The following MOCOS variants were observed in gnomAD, a reference collection of about 807,000 sequenced individuals.
MOCOS encodes human molybdenum cofactor sulfurase.
A neutral mutation model predicts 83.6 loss-of-function variants in MOCOS; 86 were observed. That is an observed-to-expected ratio of 1.03 (90% CI 0.86 to 1.23). The LOEUF is 1.23. Ranked by LOEUF, MOCOS falls within the 50% of genes most tolerant of loss-of-function variation. The pLI, the probability that MOCOS is intolerant of heterozygous loss-of-function variation, is 0.00. For missense variants in MOCOS, 1,120 were observed against 1,126.9 expected, an observed-to-expected ratio of 0.99 and a Z score of 0.09; for synonymous variants, 445 against 434.7, an observed-to-expected ratio of 1.02 and a Z score of -0.29.
Position 36,204,814 on chromosome 18 carries a change from G to A in MOCOS, c.1019-263G>A, listed in dbSNP as rs148994701. 5.6e-3 allele frequency among the ~76,000 whole-genome samples: 850 copies of A among 151,788 alleles called. 7 individuals carry two copies. The highest frequency in any genetic ancestry group is 0.019 in the African/African-American group (800 of 41,374). ...TCAAGACAAGCCTGGGCAACATGGTGAAACTCCATCTCTGCAAAAAATACA... is the reference window on the plus strand; with the variant it reads ...TCAAGACAAGCCTGGGCAACATGGTAAAACTCCATCTCTGCAAAAAATACA... On this transcript the variant is annotated intron_variant, in intron 5 of 14. Coordinates refer to ENST00000261326, the MANE Select transcript of MOCOS (RefSeq NM_017947.4).
intron 8 of MOCOS, among the ~76,000 whole-genome samples, chr18:36,218,251 G>C (rs2091482288): frequency 6.6e-6 from 1 of 152,042 alleles, no homozygotes; most frequent in East Asian, 1.9e-4. Context: ...TGTGATGTCA[G>C]CTTTTGATAC....
intron 1 of MOCOS, among the ~76,000 whole-genome samples, chr18:36,190,471 T>C (rs1396299361): frequency 6.6e-6 from 1 of 152,046 alleles, no homozygotes; most frequent in African/African-American, 2.4e-5. Context: ...TAGCACAAAC[T>C]GGGTATGGTG....
At chr18:36,200,409 G>T in intron 4 of MOCOS, 85 bp downstream of exon 4, 1 of 1,544,608 alleles carries the variant, frequency 6.5e-7, no homozygotes, top group Non-Finnish European at 8.8e-7. Context: ...GCAAGAGGTG[G>T]GTCTGGCTTT....
intron 14 of MOCOS, 63 bp downstream of exon 14, chr18:36,266,916 A>T: frequency 7.7e-7 from 1 of 1,304,808 alleles, no homozygotes; most frequent in Non-Finnish European, 1.1e-6. Flanking sequence ...TACCAGAACT[A>T]TGTTCATAAT....
In MOCOS at chr18:36,218,706, G is replaced by T. The variant is rs1402678375; in HGVS notation, c.1798-1349G>T. Among the ~76,000 whole-genome samples the T allele has an allele frequency of 3.3e-5, 5 of 150,850 alleles. No individual in the cohort carries two copies. In the East Asian group the frequency reaches 1.0e-3, roughly 30 times the overall value. ...CTTTTTAATTTTCATTTTTTTTAGAGACAGGGTCTTGCTATGTTGATCAGG... is the reference window on the plus strand; with the variant it reads ...CTTTTTAATTTTCATTTTTTTTAGATACAGGGTCTTGCTATGTTGATCAGG... On this transcript the variant is annotated intron_variant, in intron 8 of 14. Transcript: ENST00000261326.
chr18:36,236,857 A>C (rs1322469345), intron 9 of MOCOS, among the ~76,000 whole-genome samples: 1 of 147,014 alleles, frequency 6.8e-6, no homozygotes, highest in Non-Finnish European at 1.5e-5. Flanking sequence ...CATCCCTTGT[A>C]AGTTGGATTC....
chr18:36,262,193 A>G (rs1035307479), intron 13 of MOCOS, among the ~76,000 whole-genome samples: 1 of 150,132 alleles, frequency 6.7e-6, no homozygotes, highest in African/African-American at 2.4e-5. Flanking sequence ...AAGTATTAAA[A>G]TAAGTATAAA....
intron 9 of MOCOS, among the ~76,000 whole-genome samples, chr18:36,248,082 G>T (rs2091608863): frequency 6.6e-6 from 1 of 152,108 alleles, no homozygotes; most frequent in African/African-American, 2.4e-5. Context: ...GTGTGTCAGA[G>T]TTCCCCTTTC....
intron 9 of MOCOS, among the ~76,000 whole-genome samples, chr18:36,240,773 A>G (rs982917851): frequency 2.4e-4 from 36 of 152,144 alleles, no homozygotes; most frequent in Non-Finnish European, 8.8e-5. Context: ...CTGCTGTGCT[A>G]GCAATCAGCG....
intron 11 of MOCOS, among the ~76,000 whole-genome samples, chr18:36,252,426 T>A (rs556021642): frequency 6.6e-6 from 1 of 152,224 alleles, no homozygotes; most frequent in South Asian, 2.1e-4. Flanking sequence ...AGTATGCTGG[T>A]GCATGCCTAT....
intron 4 of MOCOS, among the ~76,000 whole-genome samples, chr18:36,201,883 A>G (rs2091416435): frequency 6.6e-6 from 1 of 152,126 alleles, no homozygotes; most frequent in South Asian, 2.1e-4. Context: ...GAAAAGAATG[A>G]CAGGCATAAC....
In MOCOS at chr18:36,266,805, A is replaced by G; in HGVS notation, c.2466A>G (p.Gln822=). The part of the protein sequence containing the change: ...QMICIDQQTG[Q]RNQHVFQKLS... Reference sequence around the variant, plus strand: ...TTTGCATCGACCAGCAAACTGGGCAACGAAACCAGCATGTTTTCCAAAAAC... The same window carrying G: ...TTTGCATCGACCAGCAAACTGGGCAGCGAAACCAGCATGTTTTCCAAAAAC... The change falls in exon 14 of 15, where the codon CAA becomes CAG. Residue 822 remains glutamine (Q), a synonymous_variant. Transcript: ENST00000261326. 6.2e-7 allele frequency: 1 copy of G among 1,614,136 alleles called. No homozygotes were observed. The highest frequency in any genetic ancestry group is 8.5e-7 in the Non-Finnish European group (1 of 1,180,040).
At chr18:36,265,173 T>G (rs1043300583) in intron 13 of MOCOS, among the ~76,000 whole-genome samples, 3 of 152,246 alleles carry the variant, frequency 2.0e-5, no homozygotes, top group African/African-American at 7.2e-5. Flanking sequence ...TCTGAACTGC[T>G]GCAGTCCTGA....
chr18:36,200,954 T>G (rs1027828693), intron 4 of MOCOS, among the ~76,000 whole-genome samples: 3 of 152,196 alleles, frequency 2.0e-5, no homozygotes, highest in African/African-American at 7.2e-5. Flanking sequence ...CTGCCTGGGT[T>G]GTTGGCATAT....
At chr18:36,262,984 C>T (rs1356295614) in intron 13 of MOCOS, among the ~76,000 whole-genome samples, 2 of 152,120 alleles carry the variant, frequency 1.3e-5, no homozygotes, top group East Asian at 1.9e-4. Context: ...TGGTACATCC[C>T]TGTGGTCTCA....
intron 9 of MOCOS, among the ~76,000 whole-genome samples, chr18:36,240,419 TG>T (rs1285567603): frequency 2.3e-4 from 34 of 150,674 alleles, no homozygotes; most frequent in African/African-American, 4.2e-4. Context: ...GTGCCCCTGC[TG>T]GGGGGTGCCT....
chr18:36,213,347 T>C lies in MOCOS; in HGVS notation c.1219-19T>C, dbSNP rs778840783. On this transcript the variant is annotated intron_variant, in intron 6 of 14. Transcript: ENST00000261326. Reference sequence around the variant, plus strand: ...TGCACGTTGGTAATGGCTCATTCCATGTTACATTAAATCCGCAGGTGGACA... The same window carrying C: ...TGCACGTTGGTAATGGCTCATTCCACGTTACATTAAATCCGCAGGTGGACA... 3.1e-5 allele frequency: 50 copies of C among 1,600,456 alleles called. No homozygotes were observed. The highest frequency in any genetic ancestry group is 4.1e-5 in the Non-Finnish European group (48 of 1,167,836).
At position 36,263,283 on chromosome 18, in the gene MOCOS, CA is replaced by C. The variant is rs3837884; in HGVS notation, c.2409+3116del. Among the ~76,000 whole-genome samples, 9 of 151,728 alleles carry C rather than the reference CA, an allele frequency of 5.9e-5. No homozygotes were observed. In the East Asian group the frequency reaches 1.4e-3, roughly 23 times the overall value. Reference sequence around the variant, plus strand: ...ATTTCATTTTGGGAGACTGATACTACAAAAAAAATGAAAAGGAAAGACAGTT... The same window carrying C: ...ATTTCATTTTGGGAGACTGATACTACAAAAAAATGAAAAGGAAAGACAGTT... On this transcript the variant is annotated intron_variant, in intron 13 of 14. Coordinates refer to ENST00000261326, the MANE Select transcript of MOCOS (RefSeq NM_017947.4).
At chr18:36,239,954 T>C (rs11514530) in intron 9 of MOCOS, among the ~76,000 whole-genome samples, 147,234 of 148,942 alleles carry the variant, frequency 0.99, 72,802 homozygotes, top group East Asian at 1. Context: ...GCATTCTTCG[T>C]GTAGTTCTCG....
Sources: gnomAD v4.1 joint callset for allele counts (sites outside exome capture counted in the v4.1 genomes callset) on GRCh38, gnomAD v4.1.1 for gene constraint, MANE v1.5 for transcripts, NCBI Gene and HGNC (gene_info 2026-07-23, HGNC 2026-07-21) for gene names.